The following SPAG17 variants were observed in gnomAD, a reference collection of about 807,000 sequenced individuals.
The protein encoded by SPAG17 is sperm-associated antigen 17.
In SPAG17, 169 loss-of-function variants were observed where a neutral mutation model predicts 273.6. The ratio of observed to expected loss-of-function variants is 0.62; its 90% CI spans 0.55 to 0.70. The LOEUF is 0.70. Among genes scored for constraint, SPAG17 ranks in the 30% least tolerant of loss-of-function variants. The probability of loss-of-function intolerance (pLI) is 0.00; values close to 1 mark genes in which losing one functional copy is unlikely to be tolerated. For missense variants in SPAG17, 2,557 were observed against 2,627.8 expected, an observed-to-expected ratio of 0.97 and a Z score of 0.59; for synonymous variants, 825 against 873.2, an observed-to-expected ratio of 0.94 and a Z score of 0.97.
chr1:118,051,530 A>T (rs1435829187), intron 20 of SPAG17, among the ~76,000 whole-genome samples: 1 of 125,012 alleles, frequency 8.0e-6, no homozygotes, highest in African/African-American at 3.3e-5. Context: ...TAAATGAATA[A>T]AGAAAATTTG....
intron 1 of SPAG17, among the ~76,000 whole-genome samples, chr1:118,182,816 A>G (rs975229614): frequency 1.3e-5 from 2 of 152,136 alleles, no homozygotes; most frequent in African/African-American, 4.8e-5. Flanking sequence ...TTTACAAATC[A>G]TTTCCTGACT....
At chr1:118,032,540 A>G (rs1357087995) in intron 24 of SPAG17, among the ~76,000 whole-genome samples, 1 of 151,356 alleles carries the variant, frequency 6.6e-6, no homozygotes, top group Non-Finnish European at 1.5e-5. Flanking sequence ...TTTTTTCTCA[A>G]TCTCCTCTAC....
Position 118,040,733 on chromosome 1 carries a change from T to G in SPAG17, c.3163A>C (p.Lys1055Gln), listed in dbSNP as rs1319465882. The G allele has an allele frequency of 6.3e-7, 1 of 1,580,046 alleles. No individual in the cohort carries two copies. The highest frequency in any genetic ancestry group is 8.7e-7 in the Non-Finnish European group (1 of 1,148,716). ...ACCAGTTGCTTTCAAAATGTACCTT[T>G]TTCAAACATTGTCTTTTCCACTTCA... Reference protein sequence around the residue: ...QIEVEKTMFEKGPTFIKVRVV... With the variant: ...QIEVEKTMFEQGPTFIKVRVV... Residue 1055 changes from lysine (K) to glutamine (Q), a missense_variant, in exon 22 of 49, where the codon AAA becomes CAA. Lys to Gln is a moderately conservative substitution (Grantham distance 53). Coordinates refer to ENST00000336338, the MANE Select transcript of SPAG17 (RefSeq NM_206996.4).
Position 117,953,870 on chromosome 1 carries a change from G to C in SPAG17, c.*180C>G, listed in dbSNP as rs1281886409. ...CAAAAATGTCTTTAAATGCTTTTTG[G>C]CACTCTATTCGCACGTCTTTATTAA... On this transcript the variant is annotated 3_prime_UTR_variant, in exon 49 of 49. Coordinates refer to ENST00000336338, the MANE Select transcript of SPAG17 (RefSeq NM_206996.4). The C allele has an allele frequency of 1.7e-5, 12 of 711,170 alleles. No homozygotes were observed. Among genetic ancestry groups the C allele is most frequent in the Non-Finnish European group, 2.8e-5 (12 of 428,820 alleles). 44.1% of individuals were successfully genotyped at this position (711,170 alleles called of 1,614,324 possible).
intron 31 of SPAG17, among the ~76,000 whole-genome samples, chr1:118,007,415 C>A (rs1471141559): frequency 6.6e-6 from 1 of 152,152 alleles, no homozygotes; most frequent in Non-Finnish European, 1.5e-5. Context: ...TGTCCTTTCT[C>A]CAGCAAGTGA....
At chr1:118,165,931 C>A (rs1660153919) in intron 1 of SPAG17, among the ~76,000 whole-genome samples, 1 of 152,156 alleles carries the variant, frequency 6.6e-6, no homozygotes, top group Non-Finnish European at 1.5e-5. Context: ...GCGTGAGCCA[C>A]CGCACCCGGC....
chr1:118,027,606 T>G (rs1647902319), intron 26 of SPAG17, among the ~76,000 whole-genome samples: 1 of 152,200 alleles, frequency 6.6e-6, no homozygotes, highest in African/African-American at 2.4e-5. Context: ...CCTGCTTTGT[T>G]GCATCTTCTA....
intron 4 of SPAG17, among the ~76,000 whole-genome samples, chr1:118,111,415 C>T (rs904509996): frequency 2.0e-5 from 3 of 152,088 alleles, no homozygotes; most frequent in Non-Finnish European, 4.4e-5. Context: ...TGAAACCACA[C>T]GGGTCCTTCT....
chr1:118,103,888 A>G (rs1570699975), intron 4 of SPAG17, among the ~76,000 whole-genome samples: 1 of 100,842 alleles, frequency 9.9e-6, no homozygotes, highest in African/African-American at 3.7e-5. Flanking sequence ...CTAAGGCATA[A>G]GAGGCTGCGT....
chr1:118,117,658 C>A (rs1475876222), intron 3 of SPAG17, among the ~76,000 whole-genome samples: 1 of 152,194 alleles, frequency 6.6e-6, no homozygotes, highest in African/African-American at 2.4e-5. Context: ...GGTGGACAGG[C>A]AGCCTTGAGG....
chr1:118,144,969 C>T (rs1312376057), intron 3 of SPAG17, among the ~76,000 whole-genome samples: 1 of 152,156 alleles, frequency 6.6e-6, no homozygotes, highest in Non-Finnish European at 1.5e-5. Context: ...TGTCCCTAAG[C>T]TCTATGAAAT....
At chr1:118,114,211 A>G (rs1656931182) in intron 4 of SPAG17, among the ~76,000 whole-genome samples, 1 of 152,162 alleles carries the variant, frequency 6.6e-6, no homozygotes, top group Non-Finnish European at 1.5e-5. Flanking sequence ...CCCCAACACG[A>G]TGGAAAGAGT....
intron 1 of SPAG17, among the ~76,000 whole-genome samples, chr1:118,183,238 G>T (rs369600812): frequency 7.9e-5 from 12 of 152,098 alleles, no homozygotes; most frequent in East Asian, 7.7e-4. Context: ...AGTAACAAGT[G>T]TATGGAAAGA....
chr1:118,138,749 T>C (rs1013817653), intron 3 of SPAG17, among the ~76,000 whole-genome samples: 1 of 152,196 alleles, frequency 6.6e-6, no homozygotes, highest in Non-Finnish European at 1.5e-5. Flanking sequence ...CTTCTTATAG[T>C]CTTTAATGGT....
At chr1:118,051,680 T>C (rs921950217) in intron 20 of SPAG17, among the ~76,000 whole-genome samples, 1 of 145,558 alleles carries the variant, frequency 6.9e-6, no homozygotes, top group Admixed American at 6.9e-5. Flanking sequence ...TATATAATAG[T>C]ATTATATAAT....
chr1:118,040,697 T>C (rs766521006), intron 22 of SPAG17, 33 bp downstream of exon 22: 42 of 1,383,374 alleles, frequency 3.0e-5, no homozygotes, highest in Non-Finnish European at 4.3e-5. Flanking sequence ...TTATTATGTT[T>C]CCAATCATTA....
intron 48 of SPAG17, chr1:117,954,456 T>C (rs1651866627): frequency 1.1e-6 from 1 of 880,420 alleles, no homozygotes; most frequent in Non-Finnish European, 1.7e-6. Context: ...TTACACTCTG[T>C]CAGTTTTTTA....
rs1175075591 is a variant in SPAG17 at position 117,970,136 on chromosome 1, A to AAAT, written c.6327-23_6327-21dup. The AAAT allele has an allele frequency of 6.2e-7, 1 of 1,605,376 alleles. No individual in the cohort carries two copies. Among genetic ancestry groups the AAAT allele is most frequent in the Non-Finnish European group, 8.5e-7 (1 of 1,176,644 alleles). ...TTAAACCTACAAGGCAGAAAGATAA[A>AAAT]AATAAATTTATGACATAATGAAACC... is the stretch of plus-strand genomic sequence containing the variant. On this transcript the variant is annotated intron_variant, in intron 45 of 48. Transcript: ENST00000336338.
chr1:118,065,030 A>C (rs1273387218), intron 18 of SPAG17, among the ~76,000 whole-genome samples: 1 of 152,066 alleles, frequency 6.6e-6, no homozygotes, highest in East Asian at 1.9e-4. Flanking sequence ...TTAGAAAGCA[A>C]GAACAGATTT....
Sources: allele counts gnomAD v4.1 joint callset (sites outside exome capture counted in the v4.1 genomes callset), GRCh38; gene constraint gnomAD v4.1.1; transcripts MANE v1.5; gene names NCBI Gene and HGNC (gene_info 2026-07-23, HGNC 2026-07-21).